DIAPH3: variants seen among roughly 807,000 people sequenced by gnomAD.
The protein encoded by DIAPH3 is protein diaphanous homolog 3.
In DIAPH3, 117 loss-of-function variants were observed where a neutral mutation model predicts 144.3. The ratio of observed to expected loss-of-function variants is 0.81; its 90% CI spans 0.70 to 0.95. The LOEUF is 0.95. Among genes scored for constraint, DIAPH3 ranks in the 40% least tolerant of loss-of-function variants. The pLI is 0.00. For missense variants in DIAPH3, 1,421 were observed against 1,412.7 expected (o/e 1.01, Z -0.09); for synonymous variants, 519 against 488.9 (o/e 1.06, Z -0.81).
chr13:59,806,731 T>A (rs1006903143), intron 25 of DIAPH3, among the ~76,000 whole-genome samples: 1 of 151,934 alleles, frequency 6.6e-6, no homozygotes, highest in Non-Finnish European at 1.5e-5. Context: ...GAAAAAAACT[T>A]GATGAATAAA....
At chr13:59,750,505 T>A (rs544043008) in intron 27 of DIAPH3, among the ~76,000 whole-genome samples, 3 of 152,234 alleles carry the variant, frequency 2.0e-5, no homozygotes, top group African/African-American at 4.8e-5. Context: ...TTGGTAGGTA[T>A]CACTTTGCCT....
intron 1 of DIAPH3, among the ~76,000 whole-genome samples, chr13:60,135,964 TCTG>T (rs1472552830): frequency 2.0e-5 from 3 of 152,204 alleles, no homozygotes; most frequent in Non-Finnish European, 4.4e-5. Context: ...TTGTAGGATG[TCTG>T]AATGTTAATA....
chr13:60,137,741 A>C (rs1180963572), intron 1 of DIAPH3, among the ~76,000 whole-genome samples: 2 of 133,258 alleles, frequency 1.5e-5, no homozygotes, highest in Non-Finnish European at 3.2e-5. Flanking sequence ...ATTAAAATTG[A>C]CTTTTTTTTT....
At chr13:60,075,715 G>A (rs1040792685) in intron 4 of DIAPH3, among the ~76,000 whole-genome samples, 6 of 152,082 alleles carry the variant, frequency 3.9e-5, no homozygotes, top group African/African-American at 1.4e-4. Flanking sequence ...TTCCCACCTT[G>A]TACTTCCATT....
chr13:59,916,424 C>T (rs981760461), intron 18 of DIAPH3, among the ~76,000 whole-genome samples, 175 bp from the exon 19 acceptor site: 1 of 152,060 alleles, frequency 6.6e-6, no homozygotes, highest in Non-Finnish European at 1.5e-5. Context: ...ACATTTTATA[C>T]TCTTCTCTAG....
chr13:60,066,254 A>G (rs2056961666), intron 4 of DIAPH3, among the ~76,000 whole-genome samples: 1 of 152,086 alleles, frequency 6.6e-6, no homozygotes. Context: ...TACAACAATA[A>G]AATTTTTAAG....
intron 19 of DIAPH3, among the ~76,000 whole-genome samples, chr13:59,915,139 T>C (rs1437909851): frequency 6.6e-6 from 1 of 152,104 alleles, no homozygotes; most frequent in Non-Finnish European, 1.5e-5. Flanking sequence ...TTAAGGAAGT[T>C]GGCATCTATT....
At chr13:59,861,654 G>C (rs894420337) in intron 21 of DIAPH3, 118 bp from the exon 22 acceptor site, 1 of 1,149,852 alleles carries the variant, frequency 8.7e-7, no homozygotes, top group African/African-American at 1.6e-5. Flanking sequence ...AAAATTAGTT[G>C]ATTTCGTTTT....
rs377223686 is a variant in DIAPH3 at position 59,869,798 on chromosome 13, G to A, written c.2608-8262C>T. On this transcript the variant is annotated intron_variant, in intron 21 of 27. Transcript: ENST00000400324. ...TTACCTGACACCTATACGTTTTGAT[G>A]GGTATCTCTTCACATCTTTTGATCA... Among the ~76,000 whole-genome samples, 6 of 152,084 alleles carry A rather than the reference G, an allele frequency of 3.9e-5. No homozygotes were observed. In the South Asian group the frequency reaches 1.2e-3, roughly 32 times the overall value.
chr13:60,038,190 C>T (rs1482999259), intron 5 of DIAPH3, among the ~76,000 whole-genome samples: 1 of 151,936 alleles, frequency 6.6e-6, no homozygotes, highest in East Asian at 1.9e-4. Flanking sequence ...AAGCTATAGG[C>T]AATATTATAT....
chr13:60,078,178 A>C (rs2057437418), intron 4 of DIAPH3, among the ~76,000 whole-genome samples: 1 of 152,108 alleles, frequency 6.6e-6, no homozygotes, highest in Non-Finnish European at 1.5e-5. Flanking sequence ...ACCTCAGTAC[A>C]TGTCTTTTCC....
At chr13:59,875,880 A>G (rs1431265179) in intron 21 of DIAPH3, among the ~76,000 whole-genome samples, 1 of 152,180 alleles carries the variant, frequency 6.6e-6, no homozygotes, top group Non-Finnish European at 1.5e-5. Flanking sequence ...CATCCTGACT[A>G]CAAATGTCTA....
intron 20 of DIAPH3, among the ~76,000 whole-genome samples, chr13:59,897,543 T>A (rs956406210): frequency 1.3e-5 from 2 of 148,904 alleles, no homozygotes; most frequent in African/African-American, 2.5e-5. Context: ...AGGTCAGGAG[T>A]TCGAGACCAG....
intron 27 of DIAPH3, among the ~76,000 whole-genome samples, chr13:59,677,963 C>G (rs1013329071): frequency 3.9e-5 from 6 of 152,168 alleles, no homozygotes; most frequent in African/African-American, 1.2e-4. Flanking sequence ...ATCCAGCCAT[C>G]TAGGCATGGG....
In DIAPH3 at chr13:60,093,692, C is replaced by T. The variant is rs2058023329; in HGVS notation, c.431G>A (p.Arg144Gln). 2 of 1,612,628 alleles carry T rather than the reference C, an allele frequency of 1.2e-6. No homozygotes were observed. The highest frequency in any genetic ancestry group is 1.3e-5 in the African/African-American group (1 of 74,842). Residue 144 changes from arginine (R) to glutamine (Q), a missense_variant, in exon 4 of 28, where the codon CGG becomes CAG. By Grantham distance (43) the Arg-to-Gln change is conservative. Transcript: ENST00000400324. ...NLNEDKKAPL[R>Q]EKDFSIKKEM... Reference sequence around the variant, plus strand: ...TTTTTTGATACTGAAGTCCTTTTCCCGCAATGGTGCCTTTTTATCTTCATT... The same window carrying T: ...TTTTTTGATACTGAAGTCCTTTTCCTGCAATGGTGCCTTTTTATCTTCATT...
intron 19 of DIAPH3, among the ~76,000 whole-genome samples, chr13:59,915,519 T>C (rs1478294272): frequency 2.6e-5 from 4 of 152,146 alleles, no homozygotes. Context: ...TCTCTCACTA[T>C]ATAATTTGTG....
At chr13:60,031,232 G>C (rs1222058202) in intron 5 of DIAPH3, among the ~76,000 whole-genome samples, 1 of 151,998 alleles carries the variant, frequency 6.6e-6, no homozygotes, top group East Asian at 1.9e-4. Context: ...GCTGGAGAGG[G>C]GGTGGGGAGG....
intron 4 of DIAPH3, among the ~76,000 whole-genome samples, chr13:60,077,622 T>G (rs1372108123): frequency 6.6e-6 from 1 of 152,120 alleles, no homozygotes; most frequent in Non-Finnish European, 1.5e-5. Context: ...GCAGTCTGCA[T>G]GGTACCTGCA....
At chr13:59,897,193 C>G (rs1417287875) in intron 20 of DIAPH3, among the ~76,000 whole-genome samples, 3 of 152,102 alleles carry the variant, frequency 2.0e-5, no homozygotes, top group Non-Finnish European at 4.4e-5. Flanking sequence ...AGGAGTCAGA[C>G]ATTAGAAGCA....
Sources: gnomAD v4.1 joint callset for allele counts (sites outside exome capture counted in the v4.1 genomes callset) on GRCh38, gnomAD v4.1.1 for gene constraint, MANE v1.5 for transcripts, NCBI Gene and HGNC (gene_info 2026-07-23, HGNC 2026-07-21) for gene names.